CSNK1A1: variants seen among roughly 807,000 people sequenced by gnomAD.
The protein encoded by CSNK1A1 is casein kinase I isoform alpha.
CSNK1A1 carries 7 observed loss-of-function variants against 46.1 expected under a neutral mutation model. The ratio of observed to expected loss-of-function variants is 0.15; its 90% CI spans 0.09 to 0.29. The LOEUF (loss-of-function observed/expected upper bound fraction) is 0.29, where lower values mean the gene tolerates loss of function less well. Among genes scored for constraint, CSNK1A1 ranks in the 10% least tolerant of loss-of-function variants. The probability of loss-of-function intolerance (pLI) is 1.00; values close to 1 mark genes in which losing one functional copy is unlikely to be tolerated. For synonymous variants in CSNK1A1, 137 were observed against 141.5 expected (o/e 0.97, Z 0.23); for missense variants, 96 against 417.1 (o/e 0.23, Z 6.71).
In CSNK1A1 at chr5:149,551,047, C is replaced by G; in HGVS notation, c.-83G>C. On this transcript the variant is annotated 5_prime_UTR_variant, in exon 1 of 10. Coordinates refer to ENST00000377843, the MANE Select transcript of CSNK1A1 (RefSeq NM_001892.6). ...GAGGCCTCGGGGCTCCTACACTAGG[C>G]AAGGCTACGGAGGAGGGCGGCAGGA... The G allele has an allele frequency of 6.6e-7, 1 of 1,517,646 alleles. No individual in the cohort carries two copies. Among genetic ancestry groups the G allele is most frequent in the Non-Finnish European group, 9.0e-7 (1 of 1,108,826 alleles). 94.0% of individuals were successfully genotyped at this position (1,517,646 alleles called of 1,614,324 possible). A position where few individuals can be genotyped will look rare whatever the true frequency, so the allele number is the denominator to read the frequency against.
chr5:149,550,692 G>C lies in CSNK1A1; in HGVS notation c.123+150C>G. On this transcript the variant is annotated intron_variant, in intron 1 of 9. Transcript: ENST00000377843. The surrounding 1 kb of genome is among the most constrained non-coding windows in gnomAD (Gnocchi z 4.3). ...TGACCCTTTTAGGGAGACAGCGGAC[G>C]AGGTTCGTAAGCCAGGAAAACTAGC... 9.0e-7 allele frequency: 1 copy of C among 1,109,818 alleles called. No homozygotes were observed. Among genetic ancestry groups the C allele is most frequent in the Non-Finnish European group, 1.3e-6 (1 of 789,994 alleles). 68.7% of individuals were successfully genotyped at this position (1,109,818 alleles called of 1,614,324 possible).
Position 149,550,756 on chromosome 5 carries a change from G to T in CSNK1A1, c.123+86C>A, listed in dbSNP as rs1580872829. ...TGGCGAGTGCGTGCGATGAGGAGAG[G>T]CCCGAGCACTTTGGGGGTGCACGGT... On this transcript the variant is annotated intron_variant, in intron 1 of 9. Coordinates refer to ENST00000377843, the MANE Select transcript of CSNK1A1 (RefSeq NM_001892.6). The surrounding 1 kb of genome is among the most constrained non-coding windows in gnomAD (Gnocchi z 4.3). The T allele has an allele frequency of 1.3e-6, 2 of 1,575,592 alleles. No homozygotes were observed. Among genetic ancestry groups the T allele is most frequent in the South Asian group, 1.1e-5 (1 of 87,444 alleles).
chr5:149,501,365 C>T (rs1328197292), intron 9 of CSNK1A1: 21 of 985,236 alleles, frequency 2.1e-5, no homozygotes, highest in South Asian at 4.7e-5. Flanking sequence ...TTCAGACTGT[C>T]CAGGTATTTC....
chr5:149,542,692 ATTTT>A (rs869143376), intron 2 of CSNK1A1, among the ~76,000 whole-genome samples: 830 of 16,180 alleles, frequency 0.051, 88 homozygotes, highest in South Asian at 0.09. Flanking sequence ...ATATATATAT[ATTTT>A]TTTTTTTTTT....
At chr5:149,512,318 T>G (rs1761252280) in intron 5 of CSNK1A1, among the ~76,000 whole-genome samples, 1 of 151,944 alleles carries the variant, frequency 6.6e-6, no homozygotes, top group Non-Finnish European at 1.5e-5. Flanking sequence ...TATATTTAGA[T>G]ATATATATAT....
intron 2 of CSNK1A1, among the ~76,000 whole-genome samples, chr5:149,543,898 G>A (rs927980471): frequency 2.6e-5 from 4 of 151,830 alleles, no homozygotes; most frequent in African/African-American, 4.8e-5. Flanking sequence ...AGAACCTGCC[G>A]CTAAAAATAA....
intron 9 of CSNK1A1, 91 bp downstream of exon 9, chr5:149,505,356 C>A: frequency 6.9e-7 from 1 of 1,458,762 alleles, no homozygotes; most frequent in Non-Finnish European, 9.1e-7. Context: ...ATTTTAAAAC[C>A]ACCTCCTTGA....
intron 4 of CSNK1A1, 57 bp downstream of exon 4, chr5:149,520,233 G>T: frequency 1.8e-6 from 2 of 1,108,294 alleles, no homozygotes; most frequent in Non-Finnish European, 2.7e-6. Context: ...GTTTACCAAA[G>T]CAATTCTTGT....
At chr5:149,530,935 C>T (rs1425168426) in intron 2 of CSNK1A1, among the ~76,000 whole-genome samples, 2 of 115,130 alleles carry the variant, frequency 1.7e-5, no homozygotes, top group East Asian at 5.8e-4. Flanking sequence ...CATTGCACTC[C>T]AGCCTGGATG....
intron 8 of CSNK1A1, 138 bp from the exon 9 acceptor site, chr5:149,505,733 C>T (rs969838471): frequency 1.5e-6 from 1 of 681,878 alleles, no homozygotes; most frequent in African/African-American, 1.8e-5. Context: ...TAAAATATTT[C>T]TTATTATAGA....
rs911311872 is a variant in CSNK1A1, at chr5:149,501,064, A to C, written c.1007-4204T>G. The C allele has an allele frequency of 3.0e-6, 3 of 985,264 alleles. No individual in the cohort carries two copies. In the African/African-American group the frequency reaches 5.2e-5, roughly 17 times the overall value. 61.0% of individuals were successfully genotyped at this position (985,264 alleles called of 1,614,324 possible). On this transcript the variant is annotated intron_variant, in intron 9 of 9. Coordinates refer to ENST00000377843, the MANE Select transcript of CSNK1A1 (RefSeq NM_001892.6). ...AGCTGGTAGATGGTCTGCATTCAACACCACTGAGTCATAGCAACGCTGTAT... is the reference window on the plus strand; with the variant it reads ...AGCTGGTAGATGGTCTGCATTCAACCCCACTGAGTCATAGCAACGCTGTAT...
chr5:149,522,398 A>G (rs1761601122), intron 3 of CSNK1A1, among the ~76,000 whole-genome samples: 1 of 152,242 alleles, frequency 6.6e-6, no homozygotes, highest in African/African-American at 2.4e-5. Flanking sequence ...GGCATGAGCC[A>G]TCACACCCAG....
intron 5 of CSNK1A1, 122 bp from the exon 6 acceptor site, chr5:149,511,994 G>GC: frequency 1.5e-6 from 1 of 680,310 alleles, no homozygotes; most frequent in Non-Finnish European, 2.4e-6. Context: ...GGTGTCTTAC[G>GC]CAAGAAGCTA....
intron 2 of CSNK1A1, chr5:149,529,540 C>T: frequency 3.2e-6 from 1 of 316,612 alleles, no homozygotes; most frequent in Non-Finnish European, 6.4e-6. Flanking sequence ...GGAAAATAGT[C>T]TGCTACCAGT....
intron 2 of CSNK1A1, among the ~76,000 whole-genome samples, chr5:149,546,938 A>C (rs1356953236): frequency 6.6e-6 from 1 of 152,174 alleles, no homozygotes; most frequent in South Asian, 2.1e-4. Flanking sequence ...GTTTACATAA[A>C]TCTTTATCCT....
intron 2 of CSNK1A1, among the ~76,000 whole-genome samples, chr5:149,527,019 T>A (rs1485834223): frequency 6.6e-6 from 1 of 152,066 alleles, no homozygotes; most frequent in East Asian, 1.9e-4. Context: ...CATTTCCACA[T>A]CCTCTTTGCA....
At chr5:149,536,009 A>C (rs1762051511) in intron 2 of CSNK1A1, among the ~76,000 whole-genome samples, 1 of 149,806 alleles carries the variant, frequency 6.7e-6, no homozygotes, top group Non-Finnish European at 1.5e-5. Context: ...GCTGGAATAC[A>C]ATGGCATGAT....
At chr5:149,501,731 C>A in intron 9 of CSNK1A1, 1 of 985,410 alleles carries the variant, frequency 1.0e-6, no homozygotes, top group Non-Finnish European at 1.2e-6. Context: ...TCTCCCCCAC[C>A]TCTGCCTGCC....
Position 149,494,092 on chromosome 5 carries a change from C to A in CSNK1A1, c.*2761G>T, listed in dbSNP as rs901170073. On this transcript the variant is annotated 3_prime_UTR_variant, in exon 10 of 10. Coordinates refer to ENST00000377843, the MANE Select transcript of CSNK1A1 (RefSeq NM_001892.6). ...CAGCAAACTTTAGGGAAAACTAGCT[C>A]ATTGTCTTGGGTTCTAAAGTCCTTT... 1 of 152,168 alleles carries A rather than the reference C, an allele frequency of 6.6e-6. No individual in the cohort carries two copies. The highest frequency in any genetic ancestry group is 2.4e-5 in the African/African-American group (1 of 41,442). The allele number at this position is 152,168 out of a possible 1,614,324, so 9.4% of individuals were successfully genotyped here. A position where few individuals can be genotyped will look rare whatever the true frequency, so the allele number is the denominator to read the frequency against.
Sources: allele counts gnomAD v4.1 joint callset (sites outside exome capture counted in the v4.1 genomes callset), GRCh38; gene constraint gnomAD v4.1.1; non-coding constraint Gnocchi (gnomAD v3.1); transcripts MANE v1.5; gene names NCBI Gene and HGNC (gene_info 2026-07-23, HGNC 2026-07-21).